Variants in FNDC3B observed in about 807,000 individuals in gnomAD.
FNDC3B encodes the protein fibronectin type III domain-containing protein 3B.
FNDC3B carries 12 observed loss-of-function variants against 151.5 expected under a neutral mutation model. The ratio of observed to expected loss-of-function variants is 0.08; its 90% CI spans 0.05 to 0.13. FNDC3B has a LOEUF of 0.13. FNDC3B is among the 10% of genes least tolerant of loss of function. The probability of loss-of-function intolerance (pLI) is 1.00; values close to 1 mark genes in which losing one functional copy is unlikely to be tolerated. For synonymous variants in FNDC3B, 528 were observed against 549.0 expected, an observed-to-expected ratio of 0.96 and a Z score of 0.54; for missense variants, 1,214 against 1,505.3, an observed-to-expected ratio of 0.81 and a Z score of 3.20.
At chr3:172,128,186 GTTATTGTATATTATT>G (rs1201704153) in intron 2 of FNDC3B, among the ~76,000 whole-genome samples, 2 of 152,144 alleles carry the variant, frequency 1.3e-5, no homozygotes, top group Admixed American at 1.3e-4. Flanking sequence ...GAGGCTTCCT[GTTATTGTATATTATT>G]TTTCAATCAG....
chr3:172,328,895 G>A, intron 11 of FNDC3B, 57 bp from the exon 12 acceptor site: 5 of 1,329,354 alleles, frequency 3.8e-6, no homozygotes, highest in Non-Finnish European at 4.1e-6. Flanking sequence ...TTTATTTAGG[G>A]TTATCTGTTG....
intron 1 of FNDC3B, among the ~76,000 whole-genome samples, chr3:172,048,997 TTC>T (rs1050733611): frequency 2.0e-4 from 31 of 152,150 alleles, no homozygotes; most frequent in African/African-American, 7.0e-4. Flanking sequence ...GGTTTAGAAT[TTC>T]TGTTTGGGAT....
At chr3:172,171,108 C>G (rs1723257839) in intron 3 of FNDC3B, among the ~76,000 whole-genome samples, 2 of 152,090 alleles carry the variant, frequency 1.3e-5, no homozygotes, top group African/African-American at 4.8e-5. Context: ...AGAGGAGAAG[C>G]CTACAGAAAT....
At chr3:172,392,673 G>T (rs539000356) in intron 25 of FNDC3B, among the ~76,000 whole-genome samples, 2 of 152,006 alleles carry the variant, frequency 1.3e-5, no homozygotes, top group Non-Finnish European at 2.9e-5. Context: ...AACTGAATAG[G>T]TGGCAAGTGT....
Position 172,388,220 on chromosome 3 carries a change from G to A in FNDC3B, c.3303+7127G>A, listed in dbSNP as rs147577605. ...CAGCAGCCGAGTATGCACTGTTCTC[G>A]CCACCCTTCCCAAAAAGCTCCCTGT... On this transcript the variant is annotated intron_variant, in intron 25 of 25. Transcript: ENST00000415807. Among the ~76,000 whole-genome samples, 134 of 152,184 alleles carry A rather than the reference G, an allele frequency of 8.8e-4. 2 individuals are homozygous for A. In the East Asian group the frequency reaches 0.024, roughly 27 times the overall value.
At chr3:172,142,681 T>G (rs1721686083) in intron 3 of FNDC3B, among the ~76,000 whole-genome samples, 1 of 152,250 alleles carries the variant, frequency 6.6e-6, no homozygotes, top group South Asian at 2.1e-4. Flanking sequence ...CAAAGCTTAG[T>G]CATCTTTGTA....
At chr3:172,360,646 A>G (rs1208732099) in intron 22 of FNDC3B, among the ~76,000 whole-genome samples, 6 of 152,266 alleles carry the variant, frequency 3.9e-5, no homozygotes, top group South Asian at 2.1e-4. Context: ...TTTTCCTCCT[A>G]TTGATATCCA....
At chr3:172,062,043 C>A (rs946910855) in intron 1 of FNDC3B, among the ~76,000 whole-genome samples, 9 of 152,152 alleles carry the variant, frequency 5.9e-5, no homozygotes, top group African/African-American at 1.9e-4. Flanking sequence ...GGTAATCATG[C>A]TGGTGCTGAG....
At chr3:172,062,424 GC>G (rs1717254494) in intron 1 of FNDC3B, among the ~76,000 whole-genome samples, 1 of 151,296 alleles carries the variant, frequency 6.6e-6, no homozygotes, top group Non-Finnish European at 1.5e-5. Flanking sequence ...TGATTCTCCT[GC>G]CTCAGCCTCC....
chr3:172,193,833 T>C (rs1216620705), intron 3 of FNDC3B, among the ~76,000 whole-genome samples: 1 of 152,188 alleles, frequency 6.6e-6, no homozygotes, highest in Non-Finnish European at 1.5e-5. Flanking sequence ...ATCTTTTTAA[T>C]AACTAAAGTG....
At chr3:172,212,039 A>G (rs1414105963) in intron 3 of FNDC3B, among the ~76,000 whole-genome samples, 5 of 152,250 alleles carry the variant, frequency 3.3e-5, no homozygotes, top group Admixed American at 1.3e-4. Flanking sequence ...CAATAATTGC[A>G]TAGACTGATT....
intron 5 of FNDC3B, 150 bp from the exon 6 acceptor site, chr3:172,251,110 C>G: frequency 1.4e-6 from 1 of 706,306 alleles, no homozygotes. Context: ...GCAGTATTTT[C>G]TTAAAAAATA....
intron 1 of FNDC3B, among the ~76,000 whole-genome samples, chr3:172,041,343 T>C (rs1464033078): frequency 6.6e-6 from 1 of 151,424 alleles, no homozygotes; most frequent in Non-Finnish European, 1.5e-5. Context: ...AGAGGGAATA[T>C]GCTTTTTAAA....
chr3:172,324,992 C>G lies in FNDC3B; in HGVS notation c.1255-3960C>G, dbSNP rs560132838. Among the ~76,000 whole-genome samples the G allele has an allele frequency of 5.9e-5, 9 of 152,306 alleles. No homozygotes were observed. In the East Asian group the frequency reaches 1.7e-3, roughly 29 times the overall value. On this transcript the variant is annotated intron_variant, in intron 11 of 25. Coordinates refer to ENST00000415807, the MANE Select transcript of FNDC3B (RefSeq NM_022763.4). ...CTCAGCCCTGCGGACCAGCTGACTC[C>G]CAGGCCCTGGCAGCCCCTTTGAAAG...
intron 3 of FNDC3B, among the ~76,000 whole-genome samples, chr3:172,190,694 G>T (rs1417309553): frequency 2.0e-5 from 3 of 152,114 alleles, no homozygotes; most frequent in African/African-American, 7.2e-5. Context: ...TTGAGATGGA[G>T]TTTTGCTCTT....
chr3:172,209,135 G>C (rs999098614), intron 3 of FNDC3B, among the ~76,000 whole-genome samples: 1 of 152,012 alleles, frequency 6.6e-6, no homozygotes, highest in African/African-American at 2.4e-5. Flanking sequence ...GGGTGGGGGT[G>C]GGGGTCGTGT....
At chr3:172,080,329 G>T (rs1718218441) in intron 1 of FNDC3B, among the ~76,000 whole-genome samples, 1 of 152,036 alleles carries the variant, frequency 6.6e-6, no homozygotes, top group Non-Finnish European at 1.5e-5. Flanking sequence ...GGGGTGCAGT[G>T]GCATGATACT....
chr3:172,315,221 C>CA (rs1185358905), intron 11 of FNDC3B, among the ~76,000 whole-genome samples: 9 of 152,022 alleles, frequency 5.9e-5, no homozygotes, highest in Non-Finnish European at 1.3e-4. Flanking sequence ...TACTAAAATA[C>CA]AAAAAATTAG....
intron 1 of FNDC3B, among the ~76,000 whole-genome samples, chr3:172,045,796 A>C (rs554575820): frequency 1.3e-3 from 191 of 150,180 alleles, no homozygotes; most frequent in Non-Finnish European, 1.8e-3. Context: ...CTCTCTCTCT[A>C]TATATATATA....
Sources: gnomAD v4.1 joint callset for allele counts (sites outside exome capture counted in the v4.1 genomes callset) on GRCh38, gnomAD v4.1.1 for gene constraint, MANE v1.5 for transcripts, NCBI Gene and HGNC (gene_info 2026-07-23, HGNC 2026-07-21) for gene names.